Variants in GALNT17 observed in about 807,000 individuals in gnomAD.
GALNT17 encodes UDP-GalNAc:polypeptide N-acetylgalactosaminyltransferase-like 3.
In GALNT17, 29 loss-of-function variants were observed where a neutral mutation model predicts 63.7. That is an observed-to-expected ratio of 0.46 (90% CI 0.34 to 0.62). The LOEUF is 0.62. Ranked by LOEUF, GALNT17 falls within the 20% of genes least tolerant of loss-of-function variation. The probability of loss-of-function intolerance (pLI) is 0.01; values close to 1 mark genes in which losing one functional copy is unlikely to be tolerated. For synonymous variants in GALNT17, 305 were observed against 318.3 expected (o/e 0.96, Z 0.45); for missense variants, 603 against 799.6 (o/e 0.75, Z 2.97).
At chr7:71,605,454 C>T (rs1159651207) in intron 6 of GALNT17, among the ~76,000 whole-genome samples, 1 of 151,822 alleles carries the variant, frequency 6.6e-6, no homozygotes, top group Non-Finnish European at 1.5e-5. Flanking sequence ...GGCGTGGTGG[C>T]GTGCGCTTGT....
At chr7:71,336,647 G>A (rs1286080152) in intron 2 of GALNT17, among the ~76,000 whole-genome samples, 1 of 152,154 alleles carries the variant, frequency 6.6e-6, no homozygotes, top group African/African-American at 2.4e-5. Context: ...TCCAACTCCA[G>A]GTTGCCGCAA....
At chr7:71,207,284 A>C (rs1789290289) in intron 1 of GALNT17, among the ~76,000 whole-genome samples, 1 of 151,974 alleles carries the variant, frequency 6.6e-6, no homozygotes, top group African/African-American at 2.4e-5. Flanking sequence ...CTCATCTTTG[A>C]CTTGTAAGTT....
At position 71,490,468 on chromosome 7, in the gene GALNT17, A is replaced by G. The variant is rs551970180; in HGVS notation, c.962+69363A>G. On this transcript the variant is annotated intron_variant, in intron 5 of 10. Transcript: ENST00000333538. ...AGTGTTTGTTGTGCATGGTGGGGAC[A>G]CACACAGGCAGTGGGGAACAGCTCT... Among the ~76,000 whole-genome samples, 18 of 152,190 alleles carry G rather than the reference A, an allele frequency of 1.2e-4. No homozygotes were observed. In the South Asian group the frequency reaches 3.7e-3, roughly 32 times the overall value.
chr7:71,270,951 G>GAAGAA (rs1003950956), intron 1 of GALNT17, among the ~76,000 whole-genome samples: 1 of 141,084 alleles, frequency 7.1e-6, no homozygotes, highest in African/African-American at 2.6e-5. Context: ...AAAAAAAAAA[G>GAAGAA]AAGAAAAGAA....
intron 1 of GALNT17, among the ~76,000 whole-genome samples, chr7:71,253,522 T>G (rs1790238289): frequency 6.6e-6 from 1 of 151,950 alleles, no homozygotes; most frequent in East Asian, 1.9e-4. Flanking sequence ...CTTCCTTTTT[T>G]TTTTTTTTTC....
chr7:71,345,808 T>A (rs1181873810), intron 2 of GALNT17, among the ~76,000 whole-genome samples: 1 of 152,112 alleles, frequency 6.6e-6, no homozygotes, highest in African/African-American at 2.4e-5. Context: ...GGAGCTTTTT[T>A]TATATGAATC....
rs1402573925 is a variant in GALNT17, at chr7:71,159,635, G to C, written c.238+26595G>C. 2.0e-5 allele frequency among the ~76,000 whole-genome samples: 3 copies of C among 147,924 alleles called. No individual in the cohort carries two copies. In the Admixed American group the frequency reaches 2.1e-4, roughly 10 times the overall value. On this transcript the variant is annotated intron_variant, in intron 1 of 10. Coordinates refer to ENST00000333538, the MANE Select transcript of GALNT17 (RefSeq NM_022479.3). The stretch of plus-strand genomic sequence containing the variant: ...TTGACAGGTATACAATTCAACTGGC[G>C]GGAGCAGAAACGGGCAGACCTACTA...
chr7:71,543,534 G>A (rs6460668), intron 5 of GALNT17, among the ~76,000 whole-genome samples: 109,178 of 151,914 alleles, frequency 0.72, 39,550 homozygotes, highest in Non-Finnish European at 0.75. Context: ...CCTCCTCATG[G>A]GTCTCGTGCA....
chr7:71,189,961 C>T (rs1051475824), intron 1 of GALNT17, among the ~76,000 whole-genome samples: 4 of 152,102 alleles, frequency 2.6e-5, no homozygotes, highest in Non-Finnish European at 2.9e-5. Context: ...CAGGTGCCTG[C>T]CACCACGCCT....
intron 5 of GALNT17, among the ~76,000 whole-genome samples, chr7:71,428,526 G>A (rs1786801838): frequency 6.6e-6 from 1 of 152,050 alleles, no homozygotes; most frequent in South Asian, 2.1e-4. Flanking sequence ...TGCAACCTCT[G>A]CCTCTGGGTT....
At chr7:71,673,664 G>A (rs899098359) in intron 8 of GALNT17, among the ~76,000 whole-genome samples, 1 of 152,168 alleles carries the variant, frequency 6.6e-6, no homozygotes, top group African/African-American at 2.4e-5. Context: ...CCCCAGGCTG[G>A]AGTGCAGTGG....
chr7:71,265,118 A>ATATATATATATATATAT (rs1390488895), intron 1 of GALNT17, among the ~76,000 whole-genome samples: 1 of 37,464 alleles, frequency 2.7e-5, no homozygotes, highest in Admixed American at 2.9e-4. Context: ...ATATATATAT[A>ATATATATATATATATAT]TTTTTTTTTT....
chr7:71,690,294 G>A (rs890615038), intron 9 of GALNT17, among the ~76,000 whole-genome samples: 21 of 151,848 alleles, frequency 1.4e-4, no homozygotes, highest in African/African-American at 4.8e-4. Flanking sequence ...AAAGTGTTGG[G>A]ATTACAGGCG....
intron 1 of GALNT17, among the ~76,000 whole-genome samples, chr7:71,185,556 TCTGTCGCC>T (rs1459489174): frequency 4.2e-5 from 6 of 141,716 alleles, no homozygotes; most frequent in African/African-American, 1.6e-4. Flanking sequence ...GGAGTCTGGC[TCTGTCGCC>T]CAGGCTGGAG....
At chr7:71,434,874 G>A (rs746647247) in intron 5 of GALNT17, among the ~76,000 whole-genome samples, 1 of 152,176 alleles carries the variant, frequency 6.6e-6, no homozygotes, top group East Asian at 1.9e-4. Flanking sequence ...AAGACATGGA[G>A]AGATAGATGG....
At chr7:71,689,778 G>A (rs933735415) in intron 9 of GALNT17, among the ~76,000 whole-genome samples, 1 of 152,170 alleles carries the variant, frequency 6.6e-6, no homozygotes, top group African/African-American at 2.4e-5. Context: ...TGCTATCTAG[G>A]ACTTTCCCAC....
intron 9 of GALNT17, among the ~76,000 whole-genome samples, chr7:71,693,215 C>T (rs1791482921): frequency 7.6e-6 from 1 of 131,770 alleles, no homozygotes. Flanking sequence ...GTATATATAT[C>T]TACAATACAT....
chr7:71,382,789 G>GGA (rs1232167226), intron 2 of GALNT17, among the ~76,000 whole-genome samples: 1 of 152,152 alleles, frequency 6.6e-6, no homozygotes, highest in African/African-American at 2.4e-5. Flanking sequence ...GGCAGGGGCA[G>GGA]GATGGGGAGG....
chr7:71,329,985 GTATATATATACATATA>G (rs1563007689), intron 1 of GALNT17, among the ~76,000 whole-genome samples: 97 of 21,604 alleles, frequency 4.5e-3, no homozygotes, highest in African/African-American at 0.024. Context: ...ATGTGTGTGT[GTATATATATACATATA>G]TGTGTGTATA....
Sources: allele counts gnomAD v4.1 joint callset (sites outside exome capture counted in the v4.1 genomes callset), GRCh38; gene constraint gnomAD v4.1.1; transcripts MANE v1.5; gene names NCBI Gene and HGNC (gene_info 2026-07-23, HGNC 2026-07-21).